CPLANE1: variants seen among roughly 807,000 people sequenced by gnomAD.
The protein encoded by CPLANE1 is ciliogenesis and planar polarity effector 1.
A neutral mutation model predicts 362.5 loss-of-function variants in CPLANE1; 263 were observed. That is an observed-to-expected ratio of 0.73 (90% CI 0.66 to 0.80). The LOEUF is 0.80. Among genes scored for constraint, CPLANE1 ranks in the 30% least tolerant of loss-of-function variants. The pLI, the probability that CPLANE1 is intolerant of heterozygous loss-of-function variation, is 0.00. For synonymous variants in CPLANE1, 1,212 were observed against 1,302.6 expected (o/e 0.93, Z 1.50); for missense variants, 3,461 against 3,793.4 (o/e 0.91, Z 2.30).
rs972193512 is a variant in CPLANE1 at position 37,168,995 on chromosome 5, A to C, written c.7029T>G (p.Asp2343Glu). 2 of 1,614,064 alleles carry C rather than the reference A, an allele frequency of 1.2e-6. No individual in the cohort carries two copies. The highest frequency in any genetic ancestry group is 1.7e-5 in the Admixed American group (1 of 59,986). The change falls in exon 34 of 53, where the codon GAT becomes GAG. Residue 2343 changes from aspartate (D) to glutamate (E), a missense_variant. Physicochemically the swap from Asp to Glu is conservative, Grantham distance 45. Coordinates refer to ENST00000651892, the MANE Select transcript of CPLANE1 (RefSeq NM_001384732.1). ...ATATCTCAAGGGTCCCTGGCTTAAC[A>C]TCAAATAGTTTTTCTGGTTTTATAA... is the stretch of plus-strand genomic sequence containing the variant. ...SVFIKPEKLF[D>E]VKPGTLEISP...
intron 41 of CPLANE1, among the ~76,000 whole-genome samples, chr5:37,154,477 T>TTTTTTTTTTTTTTTTTTTTC (rs1774485843): frequency 6.8e-6 from 1 of 146,850 alleles, no homozygotes; most frequent in African/African-American, 2.6e-5. Flanking sequence ...TTTTTTTTTT[T>TTTTTTTTTTTTTTTTTTTTC]TTTTTTAAGA....
At position 37,245,579 on chromosome 5, in the gene CPLANE1, T is replaced by C; in HGVS notation, c.237A>G (p.Val79=). ...AAAGGAAAAGCTCTCCTGTAGTTAG[T>C]ACCCCAGCCAGCCAGGCATCTGTTT... ...TSSNDAWLAG[V]LTTGELFLWN... is the part of the protein sequence containing the mutation. The change falls in exon 4 of 53, where the codon GTA becomes GTG. Residue 79 remains valine (V), a synonymous_variant. Transcript: ENST00000651892. The C allele has an allele frequency of 1.3e-6, 2 of 1,519,488 alleles. No individual in the cohort carries two copies. Among genetic ancestry groups the C allele is most frequent in the South Asian group, 2.6e-5 (2 of 76,798 alleles). The allele number at this position is 1,519,488 out of a possible 1,614,324, so 94.1% of individuals were successfully genotyped here. A position where few individuals can be genotyped will look rare whatever the true frequency, so the allele number is the denominator to read the frequency against.
chr5:37,166,987 AAAT>A (rs1195433425), intron 35 of CPLANE1, 57 bp downstream of exon 35: 7 of 1,329,240 alleles, frequency 5.3e-6, no homozygotes, highest in South Asian at 1.2e-5. Context: ...GTGTGATTAT[AAAT>A]AATAATGAAC....
chr5:37,115,022 T>C lies in CPLANE1; in HGVS notation c.9338A>G (p.Lys3113Arg), dbSNP rs1349649894. 6.2e-7 allele frequency: 1 copy of C among 1,610,120 alleles called. No individual in the cohort carries two copies. The highest frequency in any genetic ancestry group is 1.7e-5 in the Admixed American group (1 of 59,824). Residue 3113 changes from lysine (K) to arginine (R), a missense_variant, in exon 51 of 53, where the codon AAA becomes AGA. Lys to Arg is a conservative substitution (Grantham distance 26, BLOSUM62 2). Transcript: ENST00000651892. ...HGTATFTIQK[K>R]AGGAKAAVRK... Reference sequence around the variant, plus strand: ...TACTGCTGCTTTGGCTCCACCAGCTTTTTTCTGTATGGTGAAAGTGGCAGT... The same window carrying C: ...TACTGCTGCTTTGGCTCCACCAGCTCTTTTCTGTATGGTGAAAGTGGCAGT...
At chr5:37,197,490 C>T (rs555033044) in intron 20 of CPLANE1, among the ~76,000 whole-genome samples, 4 of 152,280 alleles carry the variant, frequency 2.6e-5, no homozygotes, top group South Asian at 2.1e-4. Flanking sequence ...CACCTGGAAA[C>T]GGATGTTCCC....
At chr5:37,085,175 G>C in the CPLANE1 span, 7,831 of 806,960 alleles carry the variant, frequency 9.7e-3, 70 homozygotes, top group Non-Finnish European at 0.012. Flanking sequence ...AGTTGAGAGA[G>C]TGTCTCCCCC....
chr5:37,229,090 CG>C (rs1561674099), intron 9 of CPLANE1, among the ~76,000 whole-genome samples: 1 of 149,056 alleles, frequency 6.7e-6, no homozygotes, highest in African/African-American at 2.5e-5. Context: ...CGTGGTGGCG[CG>C]CGCCTGCAAT....
chr5:37,124,226 A>G (rs1763517775), intron 47 of CPLANE1, among the ~76,000 whole-genome samples: 4 of 152,174 alleles, frequency 2.6e-5, no homozygotes, highest in Admixed American at 2.6e-4. Flanking sequence ...AAAAAAATGA[A>G]GGGATATTGT....
chr5:37,164,260 T>C lies in CPLANE1; in HGVS notation c.7588+13A>G, dbSNP rs1777648798. 6.3e-7 allele frequency: 1 copy of C among 1,594,294 alleles called. No homozygotes were observed. The highest frequency in any genetic ancestry group is 1.1e-5 in the South Asian group (1 of 90,646). ...CTAAACTTAGACATTACATTAATCA[T>C]ACACATACATACCAAAAGGAACGTC... is the stretch of plus-strand genomic sequence containing the variant. On this transcript the variant is annotated intron_variant, in intron 37 of 52. Transcript: ENST00000651892.
At chr5:37,224,879 G>A (rs1247495202) in intron 12 of CPLANE1, 139 bp from the exon 13 acceptor site, 2 of 450,760 alleles carry the variant, frequency 4.4e-6, no homozygotes, top group East Asian at 3.7e-5. Context: ...TTTAAATATA[G>A]TGCAAAATAA....
chr5:37,191,260 C>T (rs926619659), intron 21 of CPLANE1, among the ~76,000 whole-genome samples: 1 of 152,100 alleles, frequency 6.6e-6, no homozygotes, highest in African/African-American at 2.4e-5. Context: ...TGGCCAAGCA[C>T]AGTAGCTCAC....
rs1561531040 is a variant in CPLANE1, at chr5:37,184,798, T to C, written c.4471A>G (p.Ile1491Val). The change falls in exon 25 of 53, where the codon ATC (isoleucine) becomes GTC (valine). Residue 1491 changes from isoleucine to valine, a missense_variant. Physicochemically the swap from Ile to Val is conservative, Grantham distance 29 (BLOSUM62 3). Around this residue, in one of 2 missense-constraint regions of CPLANE1, gnomAD observed 3,380 missense variants for 3,666.1 expected, o/e 0.92. Coordinates refer to ENST00000651892, the MANE Select transcript of CPLANE1 (RefSeq NM_001384732.1). ...AGATCTCAATTGTACCTTTGATAGA[T>C]ATTTATCCTACTTTTTTCTTCAACC... ...LSVEEKSRIN[I>V]YQRNAPNHME... 1.9e-6 allele frequency: 3 copies of C among 1,611,066 alleles called. No individual in the cohort carries two copies. The highest frequency in any genetic ancestry group is 1.3e-5 in the African/African-American group (1 of 74,744).
chr5:37,101,386 A>G (rs529701993), downstream of CPLANE1, among the ~76,000 whole-genome samples: 3 of 152,234 alleles, frequency 2.0e-5, no homozygotes, highest in Admixed American at 2.0e-4. Flanking sequence ...CATTCTGTTT[A>G]TGTGATGAAT....
intron 7 of CPLANE1, among the ~76,000 whole-genome samples, chr5:37,239,185 T>C (rs978595308): frequency 1.1e-4 from 16 of 152,214 alleles, no homozygotes; most frequent in Admixed American, 1.0e-3. Context: ...TCCCTTATTC[T>C]TTTTTCATTT....
intron 19 of CPLANE1, 82 bp downstream of exon 19, chr5:37,201,509 A>C: frequency 8.7e-7 from 1 of 1,155,876 alleles, no homozygotes; most frequent in South Asian, 1.5e-5. Context: ...TTTTAACCTG[A>C]TGATTATTAT....
At chr5:37,129,004 C>G (rs1410024600) in intron 46 of CPLANE1, among the ~76,000 whole-genome samples, 2 of 152,104 alleles carry the variant, frequency 1.3e-5, no homozygotes, top group South Asian at 4.1e-4. Context: ...TGACTTCAAA[C>G]TATACTATAA....
At chr5:37,202,378 G>A (rs1437336499) in intron 18 of CPLANE1, among the ~76,000 whole-genome samples, 1 of 151,994 alleles carries the variant, frequency 6.6e-6, no homozygotes, top group Non-Finnish European at 1.5e-5. Context: ...GGCTGGTCTT[G>A]AACTCCTGAT....
chr5:37,109,594 C>T (rs952003927), intron 51 of CPLANE1, among the ~76,000 whole-genome samples: 4 of 152,160 alleles, frequency 2.6e-5, no homozygotes, highest in Non-Finnish European at 5.9e-5. Context: ...ATGTCCAAAA[C>T]CACACTGTTA....
At chr5:37,154,145 C>T in intron 41 of CPLANE1, 152 bp from the exon 42 acceptor site, 2 of 614,768 alleles carry the variant, frequency 3.3e-6, no homozygotes, top group African/African-American at 1.8e-5. Context: ...TCCTTTTCAG[C>T]TTCTTGATTT....
Sources: gnomAD v4.1 joint callset for allele counts (sites outside exome capture counted in the v4.1 genomes callset) on GRCh38, gnomAD v4.1.1 for gene constraint, gnomAD v4.1.1 regional missense constraint, MANE v1.5 for transcripts, NCBI Gene and HGNC (gene_info 2026-07-23, HGNC 2026-07-21) for gene names.